Variants in EXT2 observed in about 807,000 individuals in gnomAD.
EXT2 encodes the protein exostosin-2.
EXT2 carries 53 observed loss-of-function variants against 81.6 expected under a neutral mutation model. That is an observed-to-expected ratio of 0.65 (90% CI 0.52 to 0.82). EXT2 has a LOEUF of 0.82. Among genes scored for constraint, EXT2 ranks in the 40% least tolerant of loss-of-function variants. The pLI, the probability that EXT2 is intolerant of heterozygous loss-of-function variation, is 0.00. For missense variants in EXT2, 774 were observed against 910.2 expected (o/e 0.85, Z 1.93); for synonymous variants, 320 against 340.0 (o/e 0.94, Z 0.65).
At chr11:44,182,234 A>G (rs547827804) in intron 8 of EXT2, among the ~76,000 whole-genome samples, 1 of 151,808 alleles carries the variant, frequency 6.6e-6, no homozygotes, top group African/African-American at 2.4e-5. Context: ...TAGAATATAA[A>G]CCTCCCTTCT....
intron 1 of EXT2, among the ~76,000 whole-genome samples, chr11:44,096,806 G>A (rs1017200938): frequency 5.9e-5 from 9 of 152,234 alleles, no homozygotes; most frequent in African/African-American, 2.2e-4. Flanking sequence ...ACTTATTTAT[G>A]TGAAGATATG....
chr11:44,135,283 G>A (rs183434015), intron 7 of EXT2, among the ~76,000 whole-genome samples: 20 of 152,228 alleles, frequency 1.3e-4, no homozygotes, highest in Admixed American at 2.6e-4. Flanking sequence ...TTCCATAGCC[G>A]TAGTAGTTTG....
chr11:44,250,586 G>A lies in EXT2; in HGVS notation c.*6299G>A, dbSNP rs1412410738. ...GCCCCGTCAGGGTGGATTACCAAAT[G>A]AGCAGTTCTCTTGCCCCAGTCCCTT... On this transcript the variant is annotated 3_prime_UTR_variant, in exon 14 of 14. Transcript: ENST00000533608. 6.6e-6 allele frequency among the ~76,000 whole-genome samples: 1 copy of A among 152,214 alleles called. No homozygotes were observed. Among genetic ancestry groups the A allele is most frequent in the Admixed American group, 6.5e-5 (1 of 15,286 alleles).
chr11:44,163,370 C>G (rs1283651905), intron 7 of EXT2, among the ~76,000 whole-genome samples: 1 of 152,124 alleles, frequency 6.6e-6, no homozygotes, highest in Non-Finnish European at 1.5e-5. Context: ...ATTATTAGAG[C>G]CTATCTCTGG....
chr11:44,119,262 T>C (rs1350007425), intron 4 of EXT2, among the ~76,000 whole-genome samples: 1 of 150,552 alleles, frequency 6.6e-6, no homozygotes, highest in Non-Finnish European at 1.5e-5. Context: ...GTTACTATGA[T>C]TTGCCAGGAG....
chr11:44,244,118 C>G (rs372280718), intron 13 of EXT2, 31 bp from the exon 14 acceptor site: 1 of 1,612,266 alleles, frequency 6.2e-7, no homozygotes. Context: ...GCTCAAACCC[C>G]TCCTCCCCAC....
chr11:44,207,099 G>C (rs1225394047), intron 10 of EXT2, 140 bp downstream of exon 10: 1 of 942,124 alleles, frequency 1.1e-6, no homozygotes, highest in Non-Finnish European at 1.6e-6. Context: ...AAAGGTGTGC[G>C]TAAGAGTGTG....
intron 8 of EXT2, among the ~76,000 whole-genome samples, chr11:44,177,216 G>A (rs1955170866): frequency 6.6e-6 from 1 of 152,194 alleles, no homozygotes; most frequent in Non-Finnish European, 1.5e-5. Context: ...TAGGGGAAGT[G>A]TGCATGTTTT....
At chr11:44,196,232 C>A (rs1955454403) in intron 8 of EXT2, among the ~76,000 whole-genome samples, 1 of 152,190 alleles carries the variant, frequency 6.6e-6, no homozygotes, top group South Asian at 2.1e-4. Context: ...TATTTTCACA[C>A]ATTGTGAACA....
chr11:44,164,161 T>A (rs928139948), intron 7 of EXT2, among the ~76,000 whole-genome samples: 5 of 152,256 alleles, frequency 3.3e-5, no homozygotes, highest in African/African-American at 1.2e-4. Context: ...TCTTCATCTA[T>A]AATACTGGTT....
In EXT2 at chr11:44,249,771, C is replaced by T. The variant is rs537441684; in HGVS notation, c.*5484C>T. Among the ~76,000 whole-genome samples the T allele has an allele frequency of 2.6e-5, 4 of 152,192 alleles. No homozygotes were observed. The highest frequency in any genetic ancestry group is 7.2e-5 in the African/African-American group (3 of 41,460). ...CTGTTATGCTAACTATTCATTTTCT[C>T]ATGAAAATGTAGTCTTTGGCTGGGC... is the stretch of plus-strand genomic sequence containing the variant. On this transcript the variant is annotated 3_prime_UTR_variant, in exon 14 of 14. Coordinates refer to ENST00000533608, the MANE Select transcript of EXT2 (RefSeq NM_207122.2).
At chr11:44,177,767 C>T (rs973707765) in intron 8 of EXT2, among the ~76,000 whole-genome samples, 1 of 151,840 alleles carries the variant, frequency 6.6e-6, no homozygotes, top group Non-Finnish European at 1.5e-5. Context: ...AATAAAGATA[C>T]CCCAGATTTT....
chr11:44,191,795 G>T (rs1366399760), intron 8 of EXT2, among the ~76,000 whole-genome samples: 2 of 152,114 alleles, frequency 1.3e-5, no homozygotes, highest in African/African-American at 4.8e-5. Context: ...CTGTGTGAAG[G>T]TAACACCCCA....
In EXT2 at chr11:44,109,118, G is replaced by A. The variant is rs1954104412; in HGVS notation, c.537-76G>A. ...TATTTGGGCTTGGGGATCCTTGATA[G>A]TTGTTGTCTAGTAACTGACTCTTGT... On this transcript the variant is annotated intron_variant, in intron 2 of 13. Transcript: ENST00000533608. The A allele has an allele frequency of 5.9e-6, 9 of 1,518,278 alleles. No homozygotes were observed. In the East Asian group the frequency reaches 1.6e-4, roughly 27 times the overall value. The allele number at this position is 1,518,278 out of a possible 1,614,324, so 94.1% of individuals were successfully genotyped here.
At position 44,246,277 on chromosome 11, in the gene EXT2, A is replaced by T. The variant is rs148643662; in HGVS notation, c.*1990A>T. 6.6e-6 allele frequency among the ~76,000 whole-genome samples: 1 copy of T among 152,346 alleles called. No homozygotes were observed. The highest frequency in any genetic ancestry group is 6.5e-5 in the Admixed American group (1 of 15,306). On this transcript the variant is annotated 3_prime_UTR_variant, in exon 14 of 14. Transcript: ENST00000533608. ...ACTGTGCTGGCATTGTGTATGTGTC[A>T]TATTGCCCTGGTTTCTTCAAATTTC...
At chr11:44,120,878 G>A (rs986521306) in intron 4 of EXT2, among the ~76,000 whole-genome samples, 2 of 152,200 alleles carry the variant, frequency 1.3e-5, no homozygotes, top group African/African-American at 4.8e-5. Flanking sequence ...CAAGTTCTCA[G>A]CATGGTTTTG....
At chr11:44,233,767 A>G (rs1955925788) in intron 11 of EXT2, among the ~76,000 whole-genome samples, 1 of 152,216 alleles carries the variant, frequency 6.6e-6, no homozygotes, top group Non-Finnish European at 1.5e-5. Flanking sequence ...AAACCCAAAA[A>G]CTAAGGTTTA....
At chr11:44,146,817 C>T (rs1407478918) in intron 7 of EXT2, among the ~76,000 whole-genome samples, 1 of 151,970 alleles carries the variant, frequency 6.6e-6, no homozygotes, top group African/African-American at 2.4e-5. Context: ...GTTTTAATTC[C>T]AGAAGGGGAA....
intron 8 of EXT2, chr11:44,171,988 A>T: frequency 3.7e-6 from 2 of 537,822 alleles, no homozygotes; most frequent in Non-Finnish European, 6.7e-6. Context: ...TATTGCAGAG[A>T]TAAGTAAGGA....
Sources: gnomAD v4.1 joint callset for allele counts (sites outside exome capture counted in the v4.1 genomes callset) on GRCh38, gnomAD v4.1.1 for gene constraint, MANE v1.5 for transcripts, NCBI Gene and HGNC (gene_info 2026-07-23, HGNC 2026-07-21) for gene names.